CNTN3: variants seen among roughly 807,000 people sequenced by gnomAD.
The protein encoded by CNTN3 is contactin 3, also known as contactin-3.
CNTN3 carries 60 observed loss-of-function variants against 119.1 expected under a neutral mutation model. The observed-to-expected ratio is 0.50, with a 90% CI of 0.41 to 0.62. CNTN3 has a LOEUF of 0.62. CNTN3 is among the 20% of genes least tolerant of loss of function. CNTN3 has a pLI of 0.00. For synonymous variants in CNTN3, 450 were observed against 438.7 expected (o/e 1.03, Z -0.32); for missense variants, 1,101 against 1,242.4 (o/e 0.89, Z 1.71).
intron 5 of CNTN3, among the ~76,000 whole-genome samples, chr3:74,419,819 A>G (rs1559592753): frequency 6.6e-6 from 1 of 152,216 alleles, no homozygotes; most frequent in Non-Finnish European, 1.5e-5. Flanking sequence ...CTGAGTAATT[A>G]GTATTTATCA....
chr3:74,372,468 A>C (rs1396050162), intron 5 of CNTN3, among the ~76,000 whole-genome samples: 2 of 151,978 alleles, frequency 1.3e-5, no homozygotes, highest in African/African-American at 2.4e-5. Flanking sequence ...TGCCAAGTTG[A>C]GATTTAAGCA....
chr3:74,551,766 T>C (rs1335568459), intron 1 of CNTN3, among the ~76,000 whole-genome samples: 3 of 125,568 alleles, frequency 2.4e-5, no homozygotes, highest in African/African-American at 9.1e-5. Flanking sequence ...TTTTTTTTTT[T>C]TTTTTTTTTT....
chr3:74,400,910 C>T (rs760264913), intron 5 of CNTN3, among the ~76,000 whole-genome samples: 3 of 152,032 alleles, frequency 2.0e-5, no homozygotes, highest in South Asian at 2.1e-4. Context: ...TTTATGTTTG[C>T]GTGAGTTTGT....
At chr3:74,550,686 G>A (rs1435006681) in intron 1 of CNTN3, among the ~76,000 whole-genome samples, 6 of 152,118 alleles carry the variant, frequency 3.9e-5, no homozygotes. Flanking sequence ...CTACAGGCAT[G>A]TGCCACCATA....
At chr3:74,323,094 A>G (rs1382314727) in intron 13 of CNTN3, among the ~76,000 whole-genome samples, 1 of 152,184 alleles carries the variant, frequency 6.6e-6, no homozygotes, top group South Asian at 2.1e-4. Flanking sequence ...ACTTGCACCA[A>G]TAGAATGCAC....
chr3:74,450,890 T>C (rs1456947256), intron 4 of CNTN3, among the ~76,000 whole-genome samples: 3 of 152,170 alleles, frequency 2.0e-5, no homozygotes, highest in African/African-American at 4.8e-5. Flanking sequence ...ATCTGTGCCA[T>C]ATTTTCTTAA....
intron 4 of CNTN3, among the ~76,000 whole-genome samples, chr3:74,438,371 G>T (rs1701906634): frequency 6.6e-6 from 1 of 152,186 alleles, no homozygotes; most frequent in Non-Finnish European, 1.5e-5. Flanking sequence ...TTAGAGGCCA[G>T]CTGAGAGGAT....
intron 4 of CNTN3, among the ~76,000 whole-genome samples, chr3:74,444,441 CA>C (rs1201240242): frequency 6.6e-6 from 1 of 152,148 alleles, no homozygotes; most frequent in Admixed American, 6.5e-5. Context: ...AGGGCCTGAG[CA>C]GTAGATATTT....
At chr3:74,525,336 G>GT (rs964488664) in intron 1 of CNTN3, among the ~76,000 whole-genome samples, 30 of 151,846 alleles carry the variant, frequency 2.0e-4, no homozygotes, top group African/African-American at 6.5e-4. Flanking sequence ...CATTCAGGAA[G>GT]TTTTTTTTAA....
chr3:74,558,420 T>C (rs1704102782), intron 1 of CNTN3, among the ~76,000 whole-genome samples: 1 of 152,196 alleles, frequency 6.6e-6, no homozygotes, highest in Admixed American at 6.5e-5. Context: ...CTCACAACTG[T>C]TAGTCTTATC....
intron 4 of CNTN3, among the ~76,000 whole-genome samples, chr3:74,475,015 G>A (rs1447690925): frequency 2.0e-5 from 3 of 152,066 alleles, no homozygotes; most frequent in Admixed American, 6.6e-5. Flanking sequence ...CATACTTCCT[G>A]TACAGCCTGC....
At chr3:74,320,074 T>A (rs1373298707) in intron 13 of CNTN3, among the ~76,000 whole-genome samples, 1 of 152,220 alleles carries the variant, frequency 6.6e-6, no homozygotes, top group Non-Finnish European at 1.5e-5. Context: ...TTGGTGGGAC[T>A]GTAACCTAGT....
chr3:74,443,528 T>A (rs1163622424), intron 4 of CNTN3, among the ~76,000 whole-genome samples: 5 of 152,130 alleles, frequency 3.3e-5, no homozygotes, highest in Admixed American at 1.3e-4. Context: ...GCATGGCTGA[T>A]GTGGTTTAGA....
intron 1 of CNTN3, among the ~76,000 whole-genome samples, chr3:74,611,860 A>T (rs1012752370): frequency 4.6e-5 from 7 of 152,338 alleles, no homozygotes; most frequent in African/African-American, 1.7e-4. Context: ...ACTGGTGGTG[A>T]CAACTAAATC....
At chr3:74,403,726 C>CA (rs1392856571) in intron 5 of CNTN3, among the ~76,000 whole-genome samples, 1 of 151,978 alleles carries the variant, frequency 6.6e-6, no homozygotes, top group Non-Finnish European at 1.5e-5. Context: ...ATCATGAAAC[C>CA]AAAAGAAAGT....
chr3:74,468,289 AG>A (rs1196842517), intron 4 of CNTN3, among the ~76,000 whole-genome samples: 9 of 152,242 alleles, frequency 5.9e-5, no homozygotes. Context: ...CAAAATCTTG[AG>A]TCTAGATGCT....
intron 5 of CNTN3, among the ~76,000 whole-genome samples, chr3:74,410,753 T>G (rs1013791121): frequency 6.6e-6 from 1 of 152,152 alleles, no homozygotes; most frequent in African/African-American, 2.4e-5. Context: ...AGATGATTGA[T>G]GGACTAGTTT....
chr3:74,360,511 T>C (rs1261244427), intron 11 of CNTN3, among the ~76,000 whole-genome samples: 1 of 152,212 alleles, frequency 6.6e-6, no homozygotes, highest in East Asian at 1.9e-4. Context: ...TAGTGTTCTG[T>C]GTTAAGTTTC....
chr3:74,470,870 T>TTTG lies in CNTN3; in HGVS notation c.358+15583_358+15585dup, dbSNP rs143906469. Among the ~76,000 whole-genome samples, 100 of 150,754 alleles carry TTTG rather than the reference T, an allele frequency of 6.6e-4. 1 individual carries two copies. In the East Asian group the frequency reaches 7.1e-3, roughly 11 times the overall value. ...CTCCATGCCAAAACATATTCGGTTT[T>TTTG]TTGTTGTTGTTGTTGTTGTTGTCTG... On this transcript the variant is annotated intron_variant, in intron 4 of 22. Transcript: ENST00000263665.
Sources: allele counts gnomAD v4.1 joint callset (sites outside exome capture counted in the v4.1 genomes callset), GRCh38; gene constraint gnomAD v4.1.1; transcripts MANE v1.5; gene names NCBI Gene and HGNC (gene_info 2026-07-23, HGNC 2026-07-21).